CDYL: variants seen among roughly 807,000 people sequenced by gnomAD.
CDYL encodes the protein chromodomain Y-like protein.
A neutral mutation model predicts 47.3 loss-of-function variants in CDYL; 8 were observed. The observed-to-expected ratio is 0.17, with a 90% CI of 0.10 to 0.31. The LOEUF is 0.31. CDYL is among the 10% of genes least tolerant of loss of function. The probability of loss-of-function intolerance (pLI) is 1.00; values close to 1 mark genes in which losing one functional copy is unlikely to be tolerated. For missense variants in CDYL, 471 were observed against 701.4 expected, an observed-to-expected ratio of 0.67 and a Z score of 3.71; for synonymous variants, 266 against 265.0, an observed-to-expected ratio of 1.00 and a Z score of -0.04.
chr6:4,815,426 CATTT>C (rs1008138405), intron 1 of CDYL, among the ~76,000 whole-genome samples: 1 of 152,138 alleles, frequency 6.6e-6, no homozygotes, highest in African/African-American at 2.4e-5. Context: ...AGAATACTGT[CATTT>C]AGCCATTTCT....
intron 3 of CDYL, among the ~76,000 whole-genome samples, chr6:4,755,276 G>A (rs1188510850): frequency 6.9e-6 from 1 of 144,562 alleles, no homozygotes; most frequent in Non-Finnish European, 1.5e-5. Context: ...TCCCCCTGTT[G>A]GCCAGGCTGG....
chr6:4,828,164 T>C (rs1378860557), intron 1 of CDYL, among the ~76,000 whole-genome samples: 1 of 152,148 alleles, frequency 6.6e-6, no homozygotes, highest in Non-Finnish European at 1.5e-5. Flanking sequence ...AGCTTTTATT[T>C]ATCTGGGAAT....
At chr6:4,755,762 A>G (rs1032207815) in intron 3 of CDYL, among the ~76,000 whole-genome samples, 7 of 152,184 alleles carry the variant, frequency 4.6e-5, no homozygotes, top group Non-Finnish European at 8.8e-5. Context: ...CACTTTACCT[A>G]TTAGGAAATT....
chr6:4,806,947 G>A (rs778955011), intron 1 of CDYL, among the ~76,000 whole-genome samples: 1 of 152,158 alleles, frequency 6.6e-6, no homozygotes. Flanking sequence ...GTCAAGGTGC[G>A]GGCAGGATGG....
At chr6:4,709,703 T>C (rs1397444153) in intron 1 of CDYL, among the ~76,000 whole-genome samples, 1 of 152,182 alleles carries the variant, frequency 6.6e-6, no homozygotes, top group Admixed American at 6.5e-5. Context: ...AAATTACCCT[T>C]AAGTCAGCTT....
rs78955409 is a variant in CDYL, at chr6:4,938,276, T to C, written c.1121+539T>C. Among the ~76,000 whole-genome samples, 443 of 152,162 alleles carry C rather than the reference T, an allele frequency of 2.9e-3. 1 individual carries two copies. Among genetic ancestry groups the C allele is most frequent in the African/African-American group, 9.6e-3 (398 of 41,524 alleles). On this transcript the variant is annotated intron_variant, in intron 4 of 6. Coordinates refer to ENST00000397588, the MANE Select transcript of CDYL (RefSeq NM_004824.4). ...TTTAAATACAAGTAGTGCACATTCT[T>C]GTTCAGTTTCATCCTAAGTTCCAAC...
chr6:4,777,452 G>C lies in CDYL; in HGVS notation c.24+645G>C, dbSNP rs565736887. On this transcript the variant is annotated intron_variant, in intron 1 of 6. Transcript: ENST00000397588. ...ATAGCCAGAACTGTAAGTTCTGGTCGATGGGTTTAAACCAGCTTCAAGTTT... is the reference window on the plus strand; with the variant it reads ...ATAGCCAGAACTGTAAGTTCTGGTCCATGGGTTTAAACCAGCTTCAAGTTT... Among the ~76,000 whole-genome samples, 37 of 152,296 alleles carry C rather than the reference G, an allele frequency of 2.4e-4. 2 individuals carry two copies. Among genetic ancestry groups the C allele is most frequent in the Middle Eastern group, 3.4e-3 (1 of 294 alleles).
At chr6:4,711,013 T>C (rs1054288863) in intron 1 of CDYL, among the ~76,000 whole-genome samples, 1 of 152,154 alleles carries the variant, frequency 6.6e-6, no homozygotes, top group African/African-American at 2.4e-5. Flanking sequence ...ACTATGGATA[T>C]GTACTGCAAA....
intron 1 of CDYL, among the ~76,000 whole-genome samples, chr6:4,710,783 C>T (rs576600041): frequency 5.4e-4 from 82 of 152,268 alleles, no homozygotes; most frequent in African/African-American, 1.8e-3. Context: ...ATTCCCTCCT[C>T]CTCAAAGCTT....
chr6:4,894,902 C>CAT (rs1561692388), intron 2 of CDYL, among the ~76,000 whole-genome samples: 2 of 138,612 alleles, frequency 1.4e-5, no homozygotes, highest in Non-Finnish European at 3.0e-5. Flanking sequence ...TATATACACA[C>CAT]GTACGTGTGT....
intron 2 of CDYL, among the ~76,000 whole-genome samples, chr6:4,733,851 C>CTTTTTTTT (rs3054896): frequency 7.6e-6 from 1 of 131,898 alleles, no homozygotes; most frequent in Non-Finnish European, 1.6e-5. Flanking sequence ...TTTTCTTCTT[C>CTTTTTTTT]TTTTTTTTTT....
At position 4,792,144 on chromosome 6, in the gene CDYL, G is replaced by A. The variant is rs190175160; in HGVS notation, c.24+15337G>A. ...CCTGACCTCGTGATCCACCCGCCTCGGCCTCCCAAGGTGCTGGGATTACAG... is the reference window on the plus strand; with the variant it reads ...CCTGACCTCGTGATCCACCCGCCTCAGCCTCCCAAGGTGCTGGGATTACAG... On this transcript the variant is annotated intron_variant, in intron 1 of 6. Transcript: ENST00000397588. 2.9e-3 allele frequency among the ~76,000 whole-genome samples: 432 copies of A among 150,858 alleles called. 1 individual carries two copies. The highest frequency in any genetic ancestry group is 4.6e-3 in the Non-Finnish European group (313 of 67,810).
At chr6:4,722,906 G>A (rs769339363) in intron 2 of CDYL, among the ~76,000 whole-genome samples, 1 of 152,064 alleles carries the variant, frequency 6.6e-6, no homozygotes, top group East Asian at 1.9e-4. Context: ...CACAGTCCTG[G>A]GAACACCCCA....
chr6:4,838,422 G>T (rs539631460), intron 1 of CDYL, among the ~76,000 whole-genome samples: 2 of 152,132 alleles, frequency 1.3e-5, no homozygotes, highest in African/African-American at 4.8e-5. Flanking sequence ...CCATTCCTGA[G>T]TTACTTCATT....
chr6:4,895,001 GTA>G lies in CDYL; in HGVS notation c.691+2624_691+2625del, dbSNP rs571887981. Among the ~76,000 whole-genome samples, 34 of 151,002 alleles carry G rather than the reference GTA, an allele frequency of 2.3e-4. No individual in the cohort carries two copies. In the South Asian group the frequency reaches 2.9e-3, roughly 13 times the overall value. On this transcript the variant is annotated intron_variant, in intron 2 of 6. Coordinates refer to ENST00000397588, the MANE Select transcript of CDYL (RefSeq NM_004824.4). ...TGTATGCATATGTGTATACTTGTGT[GTA>G]TGTTTATACATATATGTATGTATGT... is the stretch of plus-strand genomic sequence containing the variant.
chr6:4,731,887 A>G (rs527859930), intron 2 of CDYL, among the ~76,000 whole-genome samples: 13 of 152,110 alleles, frequency 8.5e-5, no homozygotes, highest in African/African-American at 3.1e-4. Context: ...GGGACTAGTA[A>G]TCTGTGGAAG....
Position 4,887,235 on chromosome 6 carries a change from AAAC to A in CDYL, c.25-4474_25-4472del, listed in dbSNP as rs199906328. 7.1e-3 allele frequency among the ~76,000 whole-genome samples: 1,084 copies of A among 152,340 alleles called. 12 individuals are homozygous for A. The highest frequency in any genetic ancestry group is 0.025 in the African/African-American group (1,052 of 41,580). On this transcript the variant is annotated intron_variant, in intron 1 of 6. Coordinates refer to ENST00000397588, the MANE Select transcript of CDYL (RefSeq NM_004824.4). ...ATTAGCATGCCAGTTTCTACAAAGA[AAAC>A]AACTTTAATGTTAATAAGAGTTACG...
chr6:4,812,401 C>G (rs1420485542), intron 1 of CDYL, among the ~76,000 whole-genome samples: 1 of 152,158 alleles, frequency 6.6e-6, no homozygotes, highest in Non-Finnish European at 1.5e-5. Flanking sequence ...CTCTAGGGCA[C>G]GTCTTGTGTA....
intron 3 of CDYL, among the ~76,000 whole-genome samples, chr6:4,763,715 G>A (rs2127423711): frequency 6.6e-6 from 1 of 152,266 alleles, no homozygotes; most frequent in African/African-American, 2.4e-5. Flanking sequence ...GGCCAACATG[G>A]GCGGATCACT....
Sources: gnomAD v4.1 joint callset for allele counts (sites outside exome capture counted in the v4.1 genomes callset) on GRCh38, gnomAD v4.1.1 for gene constraint, MANE v1.5 for transcripts, NCBI Gene and HGNC (gene_info 2026-07-23, HGNC 2026-07-21) for gene names.